Variants in TLK1 observed in about 807,000 individuals in gnomAD.
The protein encoded by TLK1 is tousled like kinase 1, also known as serine/threonine-protein kinase tousled-like 1.
A neutral mutation model predicts 105.3 loss-of-function variants in TLK1; 24 were observed. The observed-to-expected ratio is 0.23, with a 90% CI of 0.17 to 0.32. TLK1 has a LOEUF of 0.32. TLK1 is among the 10% of genes least tolerant of loss of function. The pLI is 1.00. For synonymous variants in TLK1, 321 were observed against 310.4 expected (o/e 1.03, Z -0.36); for missense variants, 558 against 910.5 (o/e 0.61, Z 4.98).
In TLK1 at chr2:170,991,301, A is replaced by G. The variant is rs181935276; in HGVS notation, c.*2479T>C. 59 of 152,300 alleles carry G rather than the reference A, an allele frequency of 3.9e-4. No individual in the cohort carries two copies. The highest frequency in any genetic ancestry group is 1.4e-3 in the African/African-American group (58 of 41,564). The allele number at this position is 152,300 out of a possible 1,614,324, so 9.4% of individuals were successfully genotyped here. A position where few individuals can be genotyped will look rare whatever the true frequency, so the allele number is the denominator to read the frequency against. On this transcript the variant is annotated 3_prime_UTR_variant, in exon 21 of 21. Coordinates refer to ENST00000431350, the MANE Select transcript of TLK1 (RefSeq NM_012290.5). ...AGAAAACAATAAAACCCTAAAAAAA[A>G]CAGTGTCAAAGACTGTCAGAGTGAC...
chr2:171,135,759 A>G (rs1390978420), intron 1 of TLK1, among the ~76,000 whole-genome samples: 1 of 152,094 alleles, frequency 6.6e-6, no homozygotes, highest in Non-Finnish European at 1.5e-5. Flanking sequence ...CTGAGGTCGC[A>G]CCACTGCACT....
chr2:171,195,522 A>T (rs1025093776), intron 1 of TLK1, among the ~76,000 whole-genome samples: 11 of 143,424 alleles, frequency 7.7e-5, no homozygotes, highest in South Asian at 2.2e-4. Flanking sequence ...AAAAAAAAAA[A>T]CATAATCCAC....
chr2:171,175,253 C>T (rs1183194315), intron 1 of TLK1, among the ~76,000 whole-genome samples: 1 of 151,658 alleles, frequency 6.6e-6, no homozygotes, highest in African/African-American at 2.4e-5. Context: ...CTCAGCCCTC[C>T]GTATTCATGG....
chr2:171,132,619 T>A (rs1436299235), intron 1 of TLK1, among the ~76,000 whole-genome samples: 1 of 152,236 alleles, frequency 6.6e-6, no homozygotes, highest in Admixed American at 6.5e-5. Flanking sequence ...AAAGGGACAC[T>A]TACACTTTTG....
intron 1 of TLK1, among the ~76,000 whole-genome samples, chr2:171,122,135 C>T (rs554970602): frequency 2.3e-4 from 35 of 152,170 alleles, no homozygotes; most frequent in Non-Finnish European, 4.6e-4. Context: ...TTAGTGAAGA[C>T]GGGGTTTCAC....
chr2:171,053,461 C>T (rs1687342391), intron 8 of TLK1, among the ~76,000 whole-genome samples: 2 of 151,936 alleles, frequency 1.3e-5, no homozygotes, highest in Admixed American at 1.3e-4. Context: ...CTCCCGGGTT[C>T]AAGCATTTCT....
chr2:171,039,959 AAAT>A, intron 11 of TLK1, among the ~76,000 whole-genome samples: 1 of 152,264 alleles, frequency 6.6e-6, no homozygotes, highest in South Asian at 2.1e-4. Flanking sequence ...AAAGAGCAAA[AAAT>A]AAATAAATAT....
intron 2 of TLK1, among the ~76,000 whole-genome samples, chr2:171,087,670 A>G (rs1689044046): frequency 6.6e-6 from 1 of 152,208 alleles, no homozygotes; most frequent in Non-Finnish European, 1.5e-5. Flanking sequence ...CGCACATCAT[A>G]GTCAAACTGC....
chr2:171,001,267 T>G (rs1459784164), intron 18 of TLK1, among the ~76,000 whole-genome samples: 5 of 152,220 alleles, frequency 3.3e-5, no homozygotes, highest in African/African-American at 1.2e-4. Flanking sequence ...TAGAGTATCA[T>G]GTGTAACGAG....
Position 171,119,868 on chromosome 2 carries a change from T to C in TLK1, c.140-2011A>G, listed in dbSNP as rs118025113. 7.5e-4 allele frequency among the ~76,000 whole-genome samples: 114 copies of C among 152,256 alleles called. 1 individual carries two copies. The East Asian group carries it at 9.1e-3, about 12-fold the overall frequency. Reference sequence around the variant, plus strand: ...TATAAGACCTAAAACTTTCTAACTCTTAGAAGAAAACATATGGATAAAGCT... The same window carrying C: ...TATAAGACCTAAAACTTTCTAACTCCTAGAAGAAAACATATGGATAAAGCT... On this transcript the variant is annotated intron_variant, in intron 1 of 20. Transcript: ENST00000431350.
intron 1 of TLK1, among the ~76,000 whole-genome samples, chr2:171,166,937 A>T: frequency 6.6e-6 from 1 of 152,266 alleles, no homozygotes; most frequent in East Asian, 1.9e-4. Context: ...AGAGCAAGTT[A>T]CAGAAGAACA....
chr2:171,046,406 C>CT, intron 10 of TLK1, 44 bp from the exon 11 acceptor site: 1 of 1,496,228 alleles, frequency 6.7e-7, no homozygotes, highest in Non-Finnish European at 8.9e-7. Context: ...CCTTCCATTA[C>CT]TTTTCAAGGC....
chr2:171,156,927 C>G (rs1421779070), intron 1 of TLK1, among the ~76,000 whole-genome samples: 1 of 152,092 alleles, frequency 6.6e-6, no homozygotes, highest in Non-Finnish European at 1.5e-5. Flanking sequence ...ACCTCCCAGG[C>G]TCAAGCAATC....
At chr2:171,223,880 T>C (rs1693852744) in intron 1 of TLK1, among the ~76,000 whole-genome samples, 1 of 152,096 alleles carries the variant, frequency 6.6e-6, no homozygotes, top group African/African-American at 2.4e-5. Context: ...TGGGTAGTTA[T>C]ATGTTTTCCC....
intron 11 of TLK1, among the ~76,000 whole-genome samples, chr2:171,044,850 G>GT (rs1453746000): frequency 6.6e-6 from 1 of 152,122 alleles, no homozygotes; most frequent in Non-Finnish European, 1.5e-5. Context: ...GTGCTGCTAC[G>GT]TAAGTTAAAG....
rs142284848 is a variant in TLK1, at chr2:171,184,174, T to C, written c.-6+46971A>G. 2.5e-3 allele frequency among the ~76,000 whole-genome samples: 382 copies of C among 152,288 alleles called. 2 individuals are homozygous for C. The highest frequency in any genetic ancestry group is 8.8e-3 in the African/African-American group (365 of 41,562). On this transcript the variant is annotated intron_variant, in intron 1 of 20. Coordinates refer to the TLK1 transcript ENST00000521943. The stretch of plus-strand genomic sequence containing the variant: ...AAAGCCAAGGAACGAGGGTGGCTTC[T>C]AGAAGCTAGAAAAGGCAGGGAACTA...
chr2:171,227,568 C>CTTTTTTTTTTTTTTTTTTTTTTTTTTTTT (rs71401413), intron 1 of TLK1, among the ~76,000 whole-genome samples: 3 of 55,500 alleles, frequency 5.4e-5, no homozygotes, highest in African/African-American at 6.7e-5. Flanking sequence ...AGTAAATCTC[C>CTTTTTTTTTTTTTTTTTTTTTTTTTTTTT]TTTTTTTTTT....
chr2:171,045,429 TC>T, intron 11 of TLK1: 1 of 3,462 alleles, frequency 2.9e-4, no homozygotes, highest in Non-Finnish European at 0.01. Flanking sequence ...GGGGTTTCTC[TC>T]TGAGAATTTA....
chr2:171,106,944 A>G lies in TLK1; in HGVS notation c.258+10795T>C, dbSNP rs905054003. Among the ~76,000 whole-genome samples, 11 of 152,340 alleles carry G rather than the reference A, an allele frequency of 7.2e-5. No homozygotes were observed. In the East Asian group the frequency reaches 2.1e-3, roughly 29 times the overall value. ...CCCTATTGTCACAAAAACGTCCTTT[A>G]TAACTGTTTTCCTCCAGTCCAGGTG... is the stretch of plus-strand genomic sequence containing the variant. On this transcript the variant is annotated intron_variant, in intron 2 of 20. Coordinates refer to ENST00000431350, the MANE Select transcript of TLK1 (RefSeq NM_012290.5).
Sources: gnomAD v4.1 joint callset for allele counts (sites outside exome capture counted in the v4.1 genomes callset) on GRCh38, gnomAD v4.1.1 for gene constraint, MANE v1.5 for transcripts, NCBI Gene and HGNC (gene_info 2026-07-23, HGNC 2026-07-21) for gene names.